FKBP5: variants seen among roughly 807,000 people sequenced by gnomAD.
The protein encoded by FKBP5 is peptidyl-prolyl cis-trans isomerase FKBP5.
In FKBP5, 23 loss-of-function variants were observed where a neutral mutation model predicts 50.5. The observed-to-expected ratio is 0.46, with a 90% confidence interval of 0.33 to 0.65. The LOEUF is 0.65. Ranked by LOEUF, FKBP5 falls within the 30% of genes least tolerant of loss-of-function variation. The pLI is 0.02. For missense variants in FKBP5, 411 were observed against 553.1 expected, an observed-to-expected ratio of 0.74 and a Z score of 2.58; for synonymous variants, 176 against 190.6, an observed-to-expected ratio of 0.92 and a Z score of 0.63.
chr6:35,629,269 C>T (rs562059970), intron 3 of FKBP5, among the ~76,000 whole-genome samples: 1 of 152,148 alleles, frequency 6.6e-6, no homozygotes, highest in Non-Finnish European at 1.5e-5. Context: ...CCACGCCTGG[C>T]TAATTTTTGT....
chr6:35,676,856 G>C (rs114260876), intron 1 of FKBP5, among the ~76,000 whole-genome samples: 1 of 152,088 alleles, frequency 6.6e-6, no homozygotes, highest in Non-Finnish European at 1.5e-5. Flanking sequence ...CACCCATTTG[G>C]AAAGGAATCA....
chr6:35,621,792 G>A (rs1763853704), intron 3 of FKBP5, among the ~76,000 whole-genome samples: 1 of 152,080 alleles, frequency 6.6e-6, no homozygotes, highest in African/African-American at 2.4e-5. Flanking sequence ...GACCAGCCCA[G>A]GCAACATGGT....
At chr6:35,597,515 C>A in intron 5 of FKBP5, 111 bp from the exon 6 acceptor site, 1 of 1,271,980 alleles carries the variant, frequency 7.9e-7, no homozygotes, top group African/African-American at 1.5e-5. Context: ...TCCCCTTTCT[C>A]ATTTCATCAA....
intron 3 of FKBP5, among the ~76,000 whole-genome samples, chr6:35,623,985 G>A (rs998516119): frequency 2.0e-5 from 3 of 151,740 alleles, no homozygotes; most frequent in African/African-American, 7.3e-5. Context: ...ACAGGTGTGA[G>A]CCATTGCATC....
chr6:35,725,340 A>G (rs752667234), intron 1 of FKBP5, among the ~76,000 whole-genome samples: 9 of 152,154 alleles, frequency 5.9e-5, no homozygotes, highest in Non-Finnish European at 8.8e-5. Context: ...GGCAACTTAC[A>G]TAGTGCTGTC....
chr6:35,581,318 C>T (rs375714916), intron 8 of FKBP5: 18 of 416,094 alleles, frequency 4.3e-5, no homozygotes, highest in East Asian at 1.6e-4. Context: ...ATATGAGAAA[C>T]GCTGGGGGCT....
chr6:35,600,296 A>G (rs1454857628), intron 5 of FKBP5, among the ~76,000 whole-genome samples: 1 of 151,990 alleles, frequency 6.6e-6, no homozygotes, highest in Non-Finnish European at 1.5e-5. Context: ...GCACACCTAT[A>G]AGTCCCAGCT....
At chr6:35,579,960 G>A in intron 9 of FKBP5, 76 bp downstream of exon 9, 2 of 1,138,214 alleles carry the variant, frequency 1.8e-6, no homozygotes, top group Non-Finnish European at 2.5e-6. Flanking sequence ...ACCTTTGGCT[G>A]AGAGGAAGCA....
intron 1 of FKBP5, among the ~76,000 whole-genome samples, chr6:35,670,461 C>T (rs962170600): frequency 3.3e-5 from 5 of 151,980 alleles, no homozygotes; most frequent in Non-Finnish European, 7.4e-5. Flanking sequence ...TCAGTGGGCA[C>T]GGTGGCTCAT....
chr6:35,665,715 C>T (rs1765196542), intron 1 of FKBP5, among the ~76,000 whole-genome samples: 1 of 152,276 alleles, frequency 6.6e-6, no homozygotes, highest in African/African-American at 2.4e-5. Context: ...TATCTTCCAC[C>T]TAACTTCAAC....
In FKBP5 at chr6:35,683,115, CGTATATGT is replaced by C. The variant is rs71002587; in HGVS notation, c.-20+5681_-20+5688del. ...AAAAAAGTGTGTGTGTATATATATACGTATATGTGTGTGTGTGTGTGTGTGTGTGTGTG... is the reference window on the plus strand; with the variant it reads ...AAAAAAGTGTGTGTGTATATATATACGTGTGTGTGTGTGTGTGTGTGTGTG... On this transcript the variant is annotated intron_variant, in intron 1 of 10. Transcript: ENST00000357266. Among the ~76,000 whole-genome samples, 432 of 56,220 alleles carry C rather than the reference CGTATATGT, an allele frequency of 7.7e-3. 10 individuals are homozygous for C. The highest frequency in any genetic ancestry group is 0.037 in the East Asian group (76 of 2,036). The allele number at this position is 56,220 out of a possible 152,430, so 36.9% of individuals were successfully genotyped here. A position where few individuals can be genotyped will look rare whatever the true frequency, so the allele number is the denominator to read the frequency against.
chr6:35,648,519 T>TC (rs1764694513), intron 1 of FKBP5, among the ~76,000 whole-genome samples: 1 of 152,152 alleles, frequency 6.6e-6, no homozygotes, highest in South Asian at 2.1e-4. Flanking sequence ...GCTCAAGTGA[T>TC]CCTCCCACTT....
rs764862838 is a variant in FKBP5 at position 35,591,140 on chromosome 6, C to T, written c.746G>A (p.Ser249Asn). ...AELIYEVTLKSFEKAKESWEM... is the reference protein window; with the variant it reads ...AELIYEVTLKNFEKAKESWEM... ...TTGGTATTTTCTCACCTTTTCGAAGCTCTTAAGTGTAACTTCATATATAAG... is the reference window on the plus strand; with the variant it reads ...TTGGTATTTTCTCACCTTTTCGAAGTTCTTAAGTGTAACTTCATATATAAG... The change falls in exon 7 of 11, where the codon AGC (serine) becomes AAC (asparagine). Residue 249 changes from serine to asparagine, a missense_variant. Ser to Asn is a conservative substitution (Grantham distance 46). This residue lies in a region of FKBP5 where 267 missense variants were observed against 405.9 expected (regional missense o/e 0.66). Transcript: ENST00000357266. The T allele has an allele frequency of 6.2e-7, 1 of 1,608,814 alleles. No homozygotes were observed. The highest frequency in any genetic ancestry group is 1.3e-5 in the African/African-American group (1 of 74,740).
intron 2 of FKBP5, among the ~76,000 whole-genome samples, chr6:35,695,061 A>G (rs2151017036): frequency 6.6e-6 from 1 of 152,344 alleles, no homozygotes; most frequent in South Asian, 2.1e-4. Context: ...ATCTATGAGA[A>G]ACCTACAGCC....
intron 6 of FKBP5, among the ~76,000 whole-genome samples, chr6:35,591,782 T>C (rs1205239226): frequency 6.6e-6 from 1 of 152,190 alleles, no homozygotes; most frequent in Non-Finnish European, 1.5e-5. Context: ...ATTTAAGTTT[T>C]TTTAAAAGCA....
intron 8 of FKBP5, chr6:35,581,840 A>G (rs1257543404): frequency 6.7e-5 from 66 of 985,344 alleles, no homozygotes; most frequent in Non-Finnish European, 7.6e-5. Flanking sequence ...CAACAGTGTT[A>G]AGACCATGTT....
chr6:35,615,903 A>G (rs190172316), intron 5 of FKBP5, among the ~76,000 whole-genome samples: 1 of 152,350 alleles, frequency 6.6e-6, no homozygotes, highest in East Asian at 1.9e-4. Context: ...ACCTCTTGAT[A>G]ATGATGAAAG....
chr6:35,580,468 G>T, intron 8 of FKBP5: 1 of 317,994 alleles, frequency 3.1e-6, no homozygotes, highest in Non-Finnish European at 5.7e-6. Context: ...CGTCCCTTCA[G>T]CAGGTGTAGT....
chr6:35,621,896 T>C (rs1323130686), intron 3 of FKBP5, among the ~76,000 whole-genome samples: 1 of 151,758 alleles, frequency 6.6e-6, no homozygotes, highest in Non-Finnish European at 1.5e-5. Flanking sequence ...AGAGGACTAC[T>C]TGAGTCCAGG....
Sources: allele counts gnomAD v4.1 joint callset (sites outside exome capture counted in the v4.1 genomes callset), GRCh38; gene constraint gnomAD v4.1.1; regional missense constraint gnomAD v4.1.1; transcripts MANE v1.5; gene names NCBI Gene and HGNC (gene_info 2026-07-23, HGNC 2026-07-21).